Variants in GPR158 observed in about 807,000 individuals in gnomAD.
GPR158 encodes the protein G protein-coupled receptor 158, also known as metabotropic glycine receptor.
GPR158 carries 30 observed loss-of-function variants against 78.2 expected under a neutral mutation model. That is an observed-to-expected ratio of 0.38 (90% CI 0.29 to 0.52). The LOEUF is 0.52. GPR158 is among the 20% of genes least tolerant of loss of function. The probability of loss-of-function intolerance (pLI) is 0.83; values close to 1 mark genes in which losing one functional copy is unlikely to be tolerated. For synonymous variants in GPR158, 581 were observed against 591.1 expected, an observed-to-expected ratio of 0.98 and a Z score of 0.25; for missense variants, 1,463 against 1,523.5, an observed-to-expected ratio of 0.96 and a Z score of 0.66.
chr10:25,285,124 CATG>C (rs1421568474), intron 2 of GPR158, among the ~76,000 whole-genome samples: 1 of 151,362 alleles, frequency 6.6e-6, no homozygotes, highest in Non-Finnish European at 1.5e-5. Flanking sequence ...TACTATCTAG[CATG>C]ATATTATTTC....
chr10:25,256,311 C>T (rs2130728683), intron 2 of GPR158, among the ~76,000 whole-genome samples: 1 of 152,194 alleles, frequency 6.6e-6, no homozygotes, highest in Non-Finnish European at 1.5e-5. Flanking sequence ...ACGTGCAATT[C>T]AATATACCTT....
At chr10:25,396,783 G>C (rs1291260166) in intron 3 of GPR158, among the ~76,000 whole-genome samples, 2 of 152,148 alleles carry the variant, frequency 1.3e-5, no homozygotes, top group African/African-American at 4.8e-5. Context: ...GAAATTTATA[G>C]TTTCAAAAAA....
intron 4 of GPR158, among the ~76,000 whole-genome samples, chr10:25,420,009 G>A (rs1486787594): frequency 6.6e-6 from 1 of 151,808 alleles, no homozygotes; most frequent in Non-Finnish European, 1.5e-5. Flanking sequence ...CAGGTTATTT[G>A]GTTTTTCATT....
At chr10:25,299,551 T>G (rs1854562459) in intron 2 of GPR158, among the ~76,000 whole-genome samples, 1 of 152,190 alleles carries the variant, frequency 6.6e-6, no homozygotes, top group African/African-American at 2.4e-5. Flanking sequence ...GTTCCTCCAT[T>G]TTCTCGCAAA....
intron 2 of GPR158, among the ~76,000 whole-genome samples, chr10:25,263,347 G>T (rs1186717580): frequency 6.6e-6 from 1 of 152,070 alleles, no homozygotes; most frequent in Non-Finnish European, 1.5e-5. Context: ...CTGTATTTAG[G>T]TGGGCTGTCT....
intron 1 of GPR158, among the ~76,000 whole-genome samples, chr10:25,220,083 G>A (rs747237111): frequency 6.6e-6 from 1 of 152,172 alleles, no homozygotes; most frequent in Non-Finnish European, 1.5e-5. Flanking sequence ...AATTAGGGGT[G>A]TGGGGCCTCA....
intron 5 of GPR158, among the ~76,000 whole-genome samples, chr10:25,532,832 A>C (rs1033636478): frequency 6.6e-6 from 1 of 152,106 alleles, no homozygotes; most frequent in Admixed American, 6.6e-5. Flanking sequence ...ATTCAGAGAT[A>C]GTCTTCATGG....
chr10:25,351,506 A>G (rs1039519496), intron 2 of GPR158, among the ~76,000 whole-genome samples: 1 of 151,924 alleles, frequency 6.6e-6, no homozygotes, highest in African/African-American at 2.4e-5. Context: ...ATAAAATGTA[A>G]ATGTGAGAGG....
At chr10:25,527,243 C>T (rs944091137) in intron 5 of GPR158, among the ~76,000 whole-genome samples, 2 of 152,054 alleles carry the variant, frequency 1.3e-5, no homozygotes, top group Admixed American at 6.5e-5. Context: ...CAAAACTGTA[C>T]AAGTGGTATA....
At chr10:25,478,400 A>G in intron 5 of GPR158, among the ~76,000 whole-genome samples, 1 of 152,158 alleles carries the variant, frequency 6.6e-6, no homozygotes, top group East Asian at 1.9e-4. Context: ...GATCAAAGTC[A>G]TTATCATCCA....
chr10:25,561,670 GA>G (rs1439726001), intron 6 of GPR158, among the ~76,000 whole-genome samples: 8 of 145,364 alleles, frequency 5.5e-5, no homozygotes, highest in Non-Finnish European at 1.0e-4. Flanking sequence ...TATTACAACT[GA>G]AAAGGCTTCA....
chr10:25,599,049 A>C lies in GPR158; in HGVS notation c.3423A>C (p.Glu1141Asp). The C allele has an allele frequency of 6.2e-7, 1 of 1,614,064 alleles. No individual in the cohort carries two copies. Among genetic ancestry groups the C allele is most frequent in the Non-Finnish European group, 8.5e-7 (1 of 1,180,002 alleles). Reference sequence around the variant, plus strand: ...ATCTCAACCAAATAGGACACCAGGAAAAAAAGACATCTTCTTCTGAGGAGA... The same window carrying C: ...ATCTCAACCAAATAGGACACCAGGACAAAAAGACATCTTCTTCTGAGGAGA... ...NENLNQIGHQ[E>D]KKTSSSEENV... The change falls in exon 11 of 11, where the codon GAA becomes GAC. Residue 1141 changes from glutamate (E) to aspartate (D), a missense_variant. By Grantham distance (45) the Glu-to-Asp change is conservative. Coordinates refer to ENST00000376351, the MANE Select transcript of GPR158 (RefSeq NM_020752.3).
intron 2 of GPR158, among the ~76,000 whole-genome samples, chr10:25,374,175 A>G (rs189773215): frequency 1.1e-4 from 16 of 151,720 alleles, no homozygotes; most frequent in Admixed American, 7.9e-4. Context: ...TCTATTTCTT[A>G]GATTTATTTG....
At chr10:25,581,082 G>A (rs71495470) in intron 7 of GPR158, among the ~76,000 whole-genome samples, 7,594 of 150,778 alleles carry the variant, frequency 0.05, 245 homozygotes, top group Admixed American at 0.084. Flanking sequence ...CCGCCACCGC[G>A]CCCGGCTAAT....
chr10:25,398,129 G>A (rs1834391432), intron 3 of GPR158, among the ~76,000 whole-genome samples: 1 of 152,178 alleles, frequency 6.6e-6, no homozygotes, highest in South Asian at 2.1e-4. Context: ...AGATGAGAAT[G>A]CAGCCTAGCC....
At chr10:25,353,403 A>AT (rs907867071) in intron 2 of GPR158, among the ~76,000 whole-genome samples, 2 of 151,930 alleles carry the variant, frequency 1.3e-5, no homozygotes, top group Non-Finnish European at 2.9e-5. Flanking sequence ...TCCATAACTG[A>AT]TTTTTTTACA....
intron 2 of GPR158, among the ~76,000 whole-genome samples, chr10:25,291,850 ATAT>A (rs1366496476): frequency 2.6e-5 from 3 of 114,422 alleles, no homozygotes; most frequent in African/African-American, 3.7e-5. Flanking sequence ...GATATAGTTA[ATAT>A]TAATAGCTGA....
intron 5 of GPR158, among the ~76,000 whole-genome samples, chr10:25,467,717 T>C (rs1255779732): frequency 6.6e-6 from 1 of 151,874 alleles, no homozygotes. Flanking sequence ...CTGGTCTGGG[T>C]GGAAAGTAGT....
At chr10:25,397,815 C>G (rs776356796) in intron 3 of GPR158, among the ~76,000 whole-genome samples, 1 of 152,078 alleles carries the variant, frequency 6.6e-6, no homozygotes, top group African/African-American at 2.4e-5. Flanking sequence ...CACTCCCTTG[C>G]TTAGGTTCTG....
Sources: gnomAD v4.1 joint callset for allele counts (sites outside exome capture counted in the v4.1 genomes callset) on GRCh38, gnomAD v4.1.1 for gene constraint, MANE v1.5 for transcripts, NCBI Gene and HGNC (gene_info 2026-07-23, HGNC 2026-07-21) for gene names.